The following LAMC1 variants were observed in gnomAD, a reference collection of about 807,000 sequenced individuals.
LAMC1 encodes the protein laminin subunit gamma-1.
Under a neutral mutation model 173.6 loss-of-function variants are expected in LAMC1, and 38 were observed. The ratio of observed to expected loss-of-function variants is 0.22; its 90% CI spans 0.17 to 0.29. The LOEUF is 0.29. LAMC1 is among the 10% of genes least tolerant of loss of function. LAMC1 has a pLI of 1.00. For synonymous variants in LAMC1, 746 were observed against 749.1 expected (o/e 1.00, Z 0.07); for missense variants, 1,824 against 2,051.8 (o/e 0.89, Z 2.14).
intron 1 of LAMC1, among the ~76,000 whole-genome samples, chr1:183,027,816 A>G (rs1273442562): frequency 6.6e-6 from 1 of 152,098 alleles, no homozygotes; most frequent in Non-Finnish European, 1.5e-5. Flanking sequence ...ACAAATGGCA[A>G]TTTTTCCCCC....
At chr1:183,125,368 C>A (rs773569240) in intron 14 of LAMC1, 29 bp from the exon 15 acceptor site, 3 of 1,611,270 alleles carry the variant, frequency 1.9e-6, no homozygotes, top group Non-Finnish European at 2.5e-6. Context: ...TGATTTGTGT[C>A]TTTTGCCATC....
At chr1:183,043,099 T>C (rs143417868) in intron 1 of LAMC1, among the ~76,000 whole-genome samples, 223 of 152,308 alleles carry the variant, frequency 1.5e-3, no homozygotes, top group African/African-American at 5.2e-3. Context: ...ATCTTTTTCT[T>C]CATTGCGAGT....
Position 183,136,467 on chromosome 1 carries a change from C to T in LAMC1, c.4196C>T (p.Thr1399Ile). The T allele has an allele frequency of 6.2e-7, 1 of 1,614,226 alleles. No individual in the cohort carries two copies. Among genetic ancestry groups the T allele is most frequent in the East Asian group, 2.2e-5 (1 of 44,890 alleles). Residue 1399 changes from threonine to isoleucine, a missense_variant, in exon 25 of 28, where the codon ACT becomes ATT. By Grantham distance (89) the Thr-to-Ile change is moderately conservative. Coordinates refer to ENST00000258341, the MANE Select transcript of LAMC1 (RefSeq NM_002293.4). ...ATTCCTGCCATCAACCAGACCATCA[C>T]TGAAGCCAATGAAAAGACCAGAGAA... ...RKIPAINQTI[T>I]EANEKTREAQ... is the part of the protein sequence containing the mutation.
intron 11 of LAMC1, among the ~76,000 whole-genome samples, chr1:183,121,198 C>T (rs945039097): frequency 6.6e-6 from 1 of 150,998 alleles, no homozygotes; most frequent in Non-Finnish European, 1.5e-5. Context: ...GTGGGCTGAT[C>T]ACCTAAGGTC....
At chr1:183,138,244 T>C (rs1657002846) in intron 26 of LAMC1, 1 of 956,640 alleles carries the variant, frequency 1.0e-6, no homozygotes, top group South Asian at 4.8e-5. Flanking sequence ...GAAGATGGCA[T>C]TGTCTACCAC....
Position 183,121,734 on chromosome 1 carries a change from T to C in LAMC1, c.2002T>C (p.Leu668=), listed in dbSNP as rs374907817. The change falls in exon 12 of 28, where the codon TTG becomes CTG. Residue 668 remains leucine (L), a synonymous_variant. Transcript: ENST00000258341. ...GTYSERSAGY[L]DDVTLASARP... ...CTCACTATACACAGGTGCTGGATAT[T>C]TGGATGATGTCACCCTGGCAAGTGC... The C allele has an allele frequency of 1.9e-6, 3 of 1,613,844 alleles. No homozygotes were observed. The highest frequency in any genetic ancestry group is 4.5e-5 in the East Asian group (2 of 44,870).
chr1:183,102,079 C>T (rs773896071), intron 1 of LAMC1, among the ~76,000 whole-genome samples: 1 of 152,162 alleles, frequency 6.6e-6, no homozygotes, highest in Non-Finnish European at 1.5e-5. Flanking sequence ...CTGTGTTGCA[C>T]TGAGTGCAGG....
chr1:183,101,640 A>G (rs1655836957), intron 1 of LAMC1, among the ~76,000 whole-genome samples: 1 of 81,298 alleles, frequency 1.2e-5, no homozygotes, highest in Non-Finnish European at 2.7e-5. Flanking sequence ...ACCTTCCAAC[A>G]ACTCTTGAAG....
intron 1 of LAMC1, among the ~76,000 whole-genome samples, chr1:183,042,836 C>A (rs1416695145): frequency 6.6e-6 from 1 of 152,182 alleles, no homozygotes; most frequent in Non-Finnish European, 1.5e-5. Context: ...TCCCACTGTA[C>A]CTTCTTGGTG....
rs768863550 is a variant in LAMC1 at position 183,136,446 on chromosome 1, C to G, written c.4175C>G (p.Pro1392Arg). Reference protein sequence around the residue: ...TAAEEALRKIPAINQTITEAN... With the variant: ...TAAEEALRKIRAINQTITEAN... ...GCAGAGGAGGCACTAAGGAAGATTC[C>G]TGCCATCAACCAGACCATCACTGAA... The change falls in exon 25 of 28, where the codon CCT becomes CGT. Residue 1392 changes from proline to arginine, a missense_variant. Coordinates refer to ENST00000258341, the MANE Select transcript of LAMC1 (RefSeq NM_002293.4). 2 of 1,614,178 alleles carry G rather than the reference C, an allele frequency of 1.2e-6. No homozygotes were observed. The highest frequency in any genetic ancestry group is 3.3e-5 in the Admixed American group (2 of 60,008).
intron 1 of LAMC1, among the ~76,000 whole-genome samples, chr1:183,047,657 G>C (rs932859778): frequency 6.6e-6 from 1 of 152,206 alleles, no homozygotes; most frequent in South Asian, 2.1e-4. Context: ...CACTACAGAA[G>C]TAGTTCTCAA....
intron 5 of LAMC1, among the ~76,000 whole-genome samples, chr1:183,115,228 A>T (rs966943977): frequency 6.6e-6 from 1 of 152,244 alleles, no homozygotes; most frequent in African/African-American, 2.4e-5. Context: ...CCCACAGAGA[A>T]GTAACTGATC....
rs2102102631 is a variant in LAMC1, at chr1:183,130,545, A to G, written c.3482A>G (p.Asn1161Ser). The change falls in exon 19 of 28, where the codon AAT (asparagine) becomes AGT (serine). Residue 1161 changes from asparagine to serine, a missense_variant. Transcript: ENST00000258341. ...ELEKAKVAAA[N>S]VSVTQPESTG... ...GAGAAAGCAAAAGTCGCTGCTGCCA[A>G]TGTGGTAAGTGATTGCAAACGTCTG... is the stretch of plus-strand genomic sequence containing the variant. The G allele has an allele frequency of 6.2e-7, 1 of 1,613,976 alleles. No homozygotes were observed. Among genetic ancestry groups the G allele is most frequent in the Non-Finnish European group, 8.5e-7 (1 of 1,179,826 alleles).
Position 183,023,870 on chromosome 1 carries a change from C to G in LAMC1, c.154C>G (p.Pro52Ala). 6.2e-7 allele frequency: 1 copy of G among 1,611,942 alleles called. No individual in the cohort carries two copies. Among genetic ancestry groups the G allele is most frequent in the Non-Finnish European group, 8.5e-7 (1 of 1,179,350 alleles). The change falls in exon 1 of 28, where the codon CCC (proline) becomes GCC (alanine). Residue 52 changes from proline to alanine, a missense_variant. Pro to Ala is a conservative substitution (Grantham distance 27). Coordinates refer to ENST00000258341, the MANE Select transcript of LAMC1 (RefSeq NM_002293.4). ...DEGGRPQRCM[P>A]EFVNAAFNVT... is the part of the protein sequence containing the mutation. ...GGGCGGGCGGCCGCAGCGCTGCATGCCCGAGTTCGTCAACGCCGCCTTCAA... is the reference window on the plus strand; with the variant it reads ...GGGCGGGCGGCCGCAGCGCTGCATGGCCGAGTTCGTCAACGCCGCCTTCAA...
intron 23 of LAMC1, 78 bp from the exon 24 acceptor site, chr1:183,134,964 C>G: frequency 1.4e-6 from 2 of 1,387,228 alleles, no homozygotes; most frequent in Non-Finnish European, 2.0e-6. Flanking sequence ...GGTGGCACCT[C>G]TGGAGAGCCT....
rs910816853 is a variant in LAMC1 at position 183,114,532 on chromosome 1, C to G, written c.1023C>G (p.Pro341=). The G allele has an allele frequency of 1.2e-6, 2 of 1,614,054 alleles. No homozygotes were observed. The highest frequency in any genetic ancestry group is 1.3e-5 in the African/African-American group (1 of 74,924). Residue 341 remains proline, a splice_region_variant and synonymous_variant, in exon 5 of 28, where the codon CCC becomes CCG. Transcript: ENST00000258341. Reference sequence around the variant, plus strand: ...TAACTCGTGTGTTTTGACTGACAGCCTGTGATTGCAATGGTCGATCCCAGG... The same window carrying G: ...TAACTCGTGTGTTTTGACTGACAGCGTGTGATTGCAATGGTCGATCCCAGG... The part of the protein sequence containing the change: ...ATAESASECL[P]CDCNGRSQEC...
intron 1 of LAMC1, among the ~76,000 whole-genome samples, chr1:183,080,112 T>C (rs1320910929): frequency 6.6e-6 from 1 of 152,072 alleles, no homozygotes; most frequent in Non-Finnish European, 1.5e-5. Context: ...GGTGTGGTGG[T>C]GCACATGTGT....
chr1:183,067,654 A>AT (rs142154135), intron 1 of LAMC1, among the ~76,000 whole-genome samples: 17,571 of 150,716 alleles, frequency 0.12, 1,137 homozygotes, highest in Admixed American at 0.2. Context: ...ACATCCAGCT[A>AT]TTTTTTTTTG....
intron 1 of LAMC1, among the ~76,000 whole-genome samples, chr1:183,067,900 A>G (rs1654917580): frequency 6.6e-6 from 1 of 152,206 alleles, no homozygotes; most frequent in Non-Finnish European, 1.5e-5. Context: ...AAAATCTATT[A>G]TTAGAGGGCT....
Sources: gnomAD v4.1 joint callset for allele counts (sites outside exome capture counted in the v4.1 genomes callset) on GRCh38, gnomAD v4.1.1 for gene constraint, MANE v1.5 for transcripts, NCBI Gene and HGNC (gene_info 2026-07-23, HGNC 2026-07-21) for gene names.